Variants in IL11RA observed in about 807,000 individuals in gnomAD.
IL11RA encodes interleukin 11 receptor subunit alpha.
A neutral mutation model predicts 57.0 loss-of-function variants in IL11RA; 51 were observed. The observed-to-expected ratio is 0.89, with a 90% CI of 0.71 to 1.13. The LOEUF is 1.13. Ranked by LOEUF, IL11RA falls within the 50% of genes most tolerant of loss-of-function variation. IL11RA has a pLI of 0.00. For missense variants in IL11RA, 498 were observed against 539.4 expected (o/e 0.92, Z 0.76); for synonymous variants, 199 against 217.5 (o/e 0.91, Z 0.75).
intron 9 of IL11RA, 92 bp from the exon 10 acceptor site, chr9:34,660,182 T>G: frequency 4.4e-6 from 7 of 1,586,922 alleles, no homozygotes; most frequent in Non-Finnish European, 6.1e-6. Flanking sequence ...CTAGGTACCT[T>G]GACTTCCAAC....
rs1406595307 is a variant in IL11RA at position 34,657,455 on chromosome 9, C to T, written c.514C>T (p.Gln172Ter). 1.2e-6 allele frequency: 2 copies of T among 1,614,072 alleles called. No homozygotes were observed. Among genetic ancestry groups the T allele is most frequent in the Non-Finnish European group, 1.7e-6 (2 of 1,180,020 alleles). The change falls in exon 7 of 13, where the codon CAG (glutamine) becomes TAG (stop). Residue 172 changes from glutamine to a stop codon, truncating the protein, a stop_gained. Coordinates refer to ENST00000441545, the MANE Select transcript of IL11RA (RefSeq NM_001142784.3). LOFTEE classifies it high-confidence loss of function. ...SPSTGPWPCP[Q>*]DPLGAARCVV... Reference sequence around the variant, plus strand: ...ATCCACAGGGCCCTGGCCATGCCCACAGGATCCCCTAGGGGCTGCCCGCTG... The same window carrying T: ...ATCCACAGGGCCCTGGCCATGCCCATAGGATCCCCTAGGGGCTGCCCGCTG...
chr9:34,655,783 T>C (rs1020592704), intron 3 of IL11RA, 118 bp downstream of exon 3: 1 of 845,192 alleles, frequency 1.2e-6, no homozygotes, highest in Non-Finnish European at 2.0e-6. Flanking sequence ...CACCTCTCTA[T>C]CTGTCCTAAC....
rs750136207 is a variant in IL11RA, at chr9:34,656,798, G to A, written c.221G>A (p.Gly74Glu). 1 of 1,614,174 alleles carries A rather than the reference G, an allele frequency of 6.2e-7. No individual in the cohort carries two copies. Among genetic ancestry groups the A allele is most frequent in the South Asian group, 1.1e-5 (1 of 91,084 alleles). ...EPKLLQGPDS[G>E]LGHELVLAQA... ...AAGCTGCTCCAGGGACCTGACTCTGGGCTAGGGCATGAACTGGTCCTGGCC... is the reference window on the plus strand; with the variant it reads ...AAGCTGCTCCAGGGACCTGACTCTGAGCTAGGGCATGAACTGGTCCTGGCC... Residue 74 changes from glycine (G) to glutamate (E), a missense_variant, in exon 4 of 13, where the codon GGG (glycine) becomes GAG (glutamate). Transcript: ENST00000441545.
chr9:34,661,534 A>G lies in IL11RA; in HGVS notation c.*36A>G, dbSNP rs777888725. ...AGGGCTTCGGCAGATTCCACCTATA[A>G]TTCTGTCTTGCTGGTGTGGATAGAA... On this transcript the variant is annotated 3_prime_UTR_variant, in exon 13 of 13. Transcript: ENST00000441545. The G allele has an allele frequency of 6.3e-7, 1 of 1,597,704 alleles. No homozygotes were observed.
rs749224322 is a variant in IL11RA, at chr9:34,658,120, A to G, written c.647-400A>G. Among the ~76,000 whole-genome samples, 4 of 152,118 alleles carry G rather than the reference A, an allele frequency of 2.6e-5. No homozygotes were observed. The highest frequency in any genetic ancestry group is 5.9e-5 in the Non-Finnish European group (4 of 68,018). The stretch of plus-strand genomic sequence containing the variant: ...CAGTGGTGTGATCTTGGCTCACTGA[A>G]GCCTGCAACTCCTGGGCTCAAGCTA... On this transcript the variant is annotated intron_variant, in intron 7 of 12. Transcript: ENST00000441545. The surrounding 1 kb of genome is among the most constrained non-coding windows in gnomAD (Gnocchi z 4.0).
intron 7 of IL11RA, 107 bp downstream of exon 7, chr9:34,657,694 A>G (rs1223824314): frequency 9.0e-7 from 1 of 1,114,324 alleles, no homozygotes; most frequent in Non-Finnish European, 1.3e-6. Context: ...CCTAGACTCC[A>G]TTTCACACAG....
chr9:34,653,542 G>T lies in IL11RA; in HGVS notation c.-1+1309G>T, dbSNP rs1211752272. Among the ~76,000 whole-genome samples the T allele has an allele frequency of 1.3e-5, 2 of 152,212 alleles. No individual in the cohort carries two copies. Among genetic ancestry groups the T allele is most frequent in the Non-Finnish European group, 2.9e-5 (2 of 68,036 alleles). ...GGAAACATTTGGTGAGGAGTGAAAA[G>T]AGGGGGAGTTTGTATCTGATTTTTC... On this transcript the variant is annotated intron_variant, in intron 1 of 12. Transcript: ENST00000441545. The surrounding 1 kb of genome is among the most constrained non-coding windows in gnomAD (Gnocchi z 4.5).
At position 34,658,634 on chromosome 9, in the gene IL11RA, T is replaced by C; in HGVS notation, c.761T>C (p.Leu254Pro). 4 of 1,614,028 alleles carry C rather than the reference T, an allele frequency of 2.5e-6. No individual in the cohort carries two copies. The highest frequency in any genetic ancestry group is 3.4e-6 in the Non-Finnish European group (4 of 1,180,036). ...ASWPCQPHFLLKFRLQYRPAQ... is the reference protein window; with the variant it reads ...ASWPCQPHFLPKFRLQYRPAQ... Reference sequence around the variant, plus strand: ...TGGCCGTGCCAGCCCCACTTCCTGCTCAAGTTCCGTTTGCAGTACCGTCCG... The same window carrying C: ...TGGCCGTGCCAGCCCCACTTCCTGCCCAAGTTCCGTTTGCAGTACCGTCCG... The change falls in exon 8 of 13, where the codon CTC becomes CCC. Residue 254 changes from leucine (L) to proline (P), a missense_variant. By Grantham distance (98) the Leu-to-Pro change is moderately conservative (BLOSUM62 -3). Coordinates refer to ENST00000441545, the MANE Select transcript of IL11RA (RefSeq NM_001142784.3). This position sits in a 1 kb window ranked among gnomAD's most constrained non-coding sequence, Gnocchi z 4.0.
chr9:34,661,505 CA>C lies in IL11RA; in HGVS notation c.*8del, dbSNP rs769276250. ...AGGAGCTCCAAACCTGTAGAGGACC[CA>C]GGAGGGCTTCGGCAGATTCCACCTA... On this transcript the variant is annotated 3_prime_UTR_variant, in exon 13 of 13. Transcript: ENST00000441545. The C allele has an allele frequency of 6.2e-7, 1 of 1,613,820 alleles. No individual in the cohort carries two copies. Among genetic ancestry groups the C allele is most frequent in the South Asian group, 1.1e-5 (1 of 91,062 alleles).
At chr9:34,660,436 C>T (rs778385101) in intron 10 of IL11RA, 43 bp downstream of exon 10, 7 of 1,613,956 alleles carry the variant, frequency 4.3e-6, no homozygotes, top group Non-Finnish European at 5.9e-6. Context: ...GGACTGAAAA[C>T]CCCAGAGAAA....
rs772432594 is a variant in IL11RA, at chr9:34,658,493, C to T, written c.647-27C>T. On this transcript the variant is annotated intron_variant, in intron 7 of 12. Transcript: ENST00000441545. The surrounding 1 kb of genome is among the most constrained non-coding windows in gnomAD (Gnocchi z 4.0). Reference sequence around the variant, plus strand: ...GAAGTGATGGAGACCCATAGCCTACCCTGACTTTGTGTCTTGATGCCCTTA... The same window carrying T: ...GAAGTGATGGAGACCCATAGCCTACTCTGACTTTGTGTCTTGATGCCCTTA... The T allele has an allele frequency of 6.2e-7, 1 of 1,613,632 alleles. No individual in the cohort carries two copies. The highest frequency in any genetic ancestry group is 1.1e-5 in the South Asian group (1 of 91,076).
At chr9:34,654,634 A>C (rs1173531822) in intron 1 of IL11RA, among the ~76,000 whole-genome samples, 1 of 152,220 alleles carries the variant, frequency 6.6e-6, no homozygotes, top group Non-Finnish European at 1.5e-5. Context: ...CCAAGTAGCC[A>C]GACCAAGGAG....
In IL11RA at chr9:34,655,319, TGAG is replaced by T; in HGVS notation, c.100+3_100+5del. ...GCCCCCAGGCCTGGGGCCCCCCAGG[TGAG>T]AAGAACCCTGCTCTACAACCTCCCA... On this transcript the variant is annotated splice_donor_5th_base_variant and intron_variant, in intron 2 of 12. Transcript: ENST00000441545. The T allele has an allele frequency of 6.7e-7, 1 of 1,488,224 alleles. No individual in the cohort carries two copies. Among genetic ancestry groups the T allele is most frequent in the Non-Finnish European group, 9.3e-7 (1 of 1,077,936 alleles). 92.2% of individuals were successfully genotyped at this position (1,488,224 alleles called of 1,614,324 possible).
rs1659969140 is a variant in IL11RA, at chr9:34,661,792, A to G, written c.*294A>G. ...ATGTATTCTCTGCATGCATGTATGT[A>G]GGTGCCTGGGGAGTGTGTGTGGGTC... is the stretch of plus-strand genomic sequence containing the variant. On this transcript the variant is annotated 3_prime_UTR_variant, in exon 13 of 13. Transcript: ENST00000441545. 1.2e-6 allele frequency: 1 copy of G among 837,642 alleles called. No individual in the cohort carries two copies. The highest frequency in any genetic ancestry group is 2.0e-5 in the Admixed American group (1 of 48,790). The allele number at this position is 837,642 out of a possible 1,614,324, so 51.9% of individuals were successfully genotyped here. A position where few individuals can be genotyped will look rare whatever the true frequency, so the allele number is the denominator to read the frequency against.
chr9:34,660,655 C>A, intron 11 of IL11RA, 55 bp downstream of exon 11: 1 of 1,439,078 alleles, frequency 6.9e-7, no homozygotes. Context: ...GCTCTGATGC[C>A]CATAGACCAC....
intron 7 of IL11RA, 22 bp downstream of exon 7, chr9:34,657,609 C>T: frequency 6.2e-7 from 1 of 1,608,282 alleles, no homozygotes; most frequent in Non-Finnish European, 8.5e-7. Flanking sequence ...CCCCAGACCT[C>T]CCCCAGACCC....
At chr9:34,655,509 C>T in intron 2 of IL11RA, 96 bp from the exon 3 acceptor site, 1 of 1,128,988 alleles carries the variant, frequency 8.9e-7, no homozygotes, top group South Asian at 1.3e-5. Flanking sequence ...GAGCCCCCCA[C>T]CACCCAGGTT....
intron 4 of IL11RA, 26 bp downstream of exon 4, chr9:34,656,934 G>T: frequency 1.2e-6 from 2 of 1,613,768 alleles, no homozygotes; most frequent in South Asian, 1.1e-5. Context: ...TGGCACTGAT[G>T]ACACATAGGG....
In IL11RA at chr9:34,656,775, G is replaced by A. The variant is rs1397442189; in HGVS notation, c.198G>A (p.Lys66=). ...CCTGGTTTCGGGATGGGGAGCCAAAGCTGCTCCAGGGACCTGACTCTGGGC... is the reference window on the plus strand; with the variant it reads ...CCTGGTTTCGGGATGGGGAGCCAAAACTGCTCCAGGGACCTGACTCTGGGC... ...PVSWFRDGEP[K]LLQGPDSGLG... is the part of the protein sequence containing the mutation. Residue 66 remains lysine, a synonymous_variant, in exon 4 of 13, where the codon AAG becomes AAA. Coordinates refer to ENST00000441545, the MANE Select transcript of IL11RA (RefSeq NM_001142784.3). 1.2e-6 allele frequency: 2 copies of A among 1,614,184 alleles called. No individual in the cohort carries two copies. Among genetic ancestry groups the A allele is most frequent in the East Asian group, 4.5e-5 (2 of 44,886 alleles).
Sources: gnomAD v4.1 joint callset for allele counts (sites outside exome capture counted in the v4.1 genomes callset) on GRCh38, gnomAD v4.1.1 for gene constraint, Gnocchi (gnomAD v3.1) non-coding constraint, MANE v1.5 for transcripts, NCBI Gene and HGNC (gene_info 2026-07-23, HGNC 2026-07-21) for gene names.